The following KIAA1755 variants were observed in gnomAD, a reference collection of about 807,000 sequenced individuals.
The protein encoded by KIAA1755 is KIAA1755, also known as uncharacterized protein KIAA1755.
KIAA1755 carries 68 observed loss-of-function variants against 91.7 expected under a neutral mutation model. That is an observed-to-expected ratio of 0.74 (90% CI 0.61 to 0.91). The LOEUF is 0.91. Among genes scored for constraint, KIAA1755 ranks in the 40% least tolerant of loss-of-function variants. KIAA1755 has a pLI of 0.00. For synonymous variants in KIAA1755, 610 were observed against 604.6 expected, an observed-to-expected ratio of 1.01 and a Z score of -0.13; for missense variants, 1,535 against 1,494.4, an observed-to-expected ratio of 1.03 and a Z score of -0.45.
At chr20:38,233,623 G>C (rs2075906929) in intron 4 of KIAA1755, 1 of 152,142 alleles carries the variant, frequency 6.6e-6, no homozygotes, top group African/African-American at 2.4e-5. Flanking sequence ...CCTTGAATTA[G>C]GGGTGCCTTT....
Position 38,228,193 on chromosome 20 carries a change from C to G in KIAA1755, c.1919G>C (p.Arg640Thr). The part of the protein sequence containing the change: ...KGLAVLIDAR[R>T]QPPQPGLVSA... ...GACCAGACCGGGCTGTGGGGGCTGT[C>G]TCCTGGCGTCAATCAGGACCGCCAG... Residue 640 changes from arginine (R) to threonine (T), a missense_variant, in exon 6 of 14, where the codon AGA becomes ACA. Coordinates refer to ENST00000279024, the MANE Select transcript of KIAA1755 (RefSeq NM_001029864.2). 6.2e-7 allele frequency: 1 copy of G among 1,605,008 alleles called. No homozygotes were observed.
At chr20:38,228,520 G>A (rs181882927) in intron 5 of KIAA1755, among the ~76,000 whole-genome samples, 4 of 152,294 alleles carry the variant, frequency 2.6e-5, no homozygotes, top group Admixed American at 6.5e-5. Flanking sequence ...AGGTACAGTA[G>A]GCAAGTCACT....
Position 38,218,369 on chromosome 20 carries a change from G to GGGGCAGGAGAGGCAGATTT in KIAA1755, c.2557-22_2557-4dup. On this transcript the variant is annotated splice_polypyrimidine_tract_variant and splice_region_variant and intron_variant, in intron 11 of 13. Transcript: ENST00000279024. ...TCCTGCTCCATCCAGTCGCTGACCT[G>GGGGCAGGAGAGGCAGATTT]GGGCAGGAGAGGCAGATTTGGACAT... The GGGGCAGGAGAGGCAGATTT allele has an allele frequency of 6.2e-7, 1 of 1,614,026 alleles. No homozygotes were observed. The highest frequency in any genetic ancestry group is 1.7e-4 in the Middle Eastern group (1 of 6,052).
chr20:38,256,915 C>T (rs2076348997), intron 1 of KIAA1755, among the ~76,000 whole-genome samples: 2 of 152,176 alleles, frequency 1.3e-5, no homozygotes, highest in Admixed American at 1.3e-4. Context: ...CATCTAAGTG[C>T]CATCTAAAAT....
chr20:38,252,455 G>A (rs746521447), intron 1 of KIAA1755, among the ~76,000 whole-genome samples: 2 of 152,118 alleles, frequency 1.3e-5, no homozygotes, highest in African/African-American at 2.4e-5. Flanking sequence ...GGAATGACCC[G>A]TTTTGCAAGT....
chr20:38,246,611 G>C (rs1289436124), intron 1 of KIAA1755, among the ~76,000 whole-genome samples: 1 of 152,204 alleles, frequency 6.6e-6, no homozygotes, highest in Non-Finnish European at 1.5e-5. Flanking sequence ...ATGCAGATGG[G>C]AGAGTGAGAA....
At chr20:38,234,749 T>A (rs2075929029) in intron 4 of KIAA1755, among the ~76,000 whole-genome samples, 1 of 152,204 alleles carries the variant, frequency 6.6e-6, no homozygotes, top group Non-Finnish European at 1.5e-5. Flanking sequence ...TTCCCCACAC[T>A]GCCTGGAACA....
At position 38,231,345 on chromosome 20, in the gene KIAA1755, C is replaced by T. The variant is rs750295210; in HGVS notation, c.1748-20G>A. 1.2e-5 allele frequency: 19 copies of T among 1,594,260 alleles called. No homozygotes were observed. The highest frequency in any genetic ancestry group is 2.3e-4 in the Middle Eastern group (1 of 4,442). On this transcript the variant is annotated intron_variant, in intron 4 of 13. Coordinates refer to ENST00000279024, the MANE Select transcript of KIAA1755 (RefSeq NM_001029864.2). ...GGCCACCTGGAGGACAGAGGGCACA[C>T]GTGAGCAGTGAGAACTTGTGGGGGG...
At position 38,240,721 on chromosome 20, in the gene KIAA1755, C is replaced by T. The variant is rs753768092; in HGVS notation, c.1410G>A (p.Gly470=). The part of the protein sequence containing the change: ...NTSSPEPPTP[G]LKFSFLRGQR... ...GCCCTCTCAAGAATGAGAATTTGAG[C>T]CCAGGAGTGGGGGGCTCAGGGGAGG... Residue 470 remains glycine (G), a synonymous_variant, in exon 3 of 14, where the codon GGG becomes GGA. Coordinates refer to ENST00000279024, the MANE Select transcript of KIAA1755 (RefSeq NM_001029864.2). 19 of 1,568,936 alleles carry T rather than the reference C, an allele frequency of 1.2e-5. 1 individual carries two copies. The South Asian group carries it at 1.9e-4, about 16-fold the overall frequency.
chr20:38,222,631 C>G, intron 9 of KIAA1755, 34 bp from the exon 10 acceptor site: 1 of 1,605,102 alleles, frequency 6.2e-7, no homozygotes, highest in Non-Finnish European at 8.5e-7. Context: ...GAGGCCCCAT[C>G]CCCACTCTCC....
At position 38,235,372 on chromosome 20, in the gene KIAA1755, T is replaced by A. The variant is rs892285814; in HGVS notation, c.1748-4047A>T. ...GCCCTAATCCCCAGAACCTTGAATATGTTACCTTACATGGCAAAAGGGACA... is the reference window on the plus strand; with the variant it reads ...GCCCTAATCCCCAGAACCTTGAATAAGTTACCTTACATGGCAAAAGGGACA... On this transcript the variant is annotated intron_variant, in intron 4 of 13. Coordinates refer to ENST00000279024, the MANE Select transcript of KIAA1755 (RefSeq NM_001029864.2). Among the ~76,000 whole-genome samples, 115 of 152,250 alleles carry A rather than the reference T, an allele frequency of 7.6e-4. 1 individual carries two copies. The highest frequency in any genetic ancestry group is 7.2e-4 in the Admixed American group (11 of 15,296).
intron 4 of KIAA1755, among the ~76,000 whole-genome samples, chr20:38,234,001 A>G (rs891953273): frequency 2.0e-5 from 3 of 152,198 alleles, no homozygotes; most frequent in Non-Finnish European, 4.4e-5. Context: ...CACAGAGGGA[A>G]GACCCCATGA....
chr20:38,227,319 C>T (rs1160995529), intron 6 of KIAA1755, 79 bp from the exon 7 acceptor site: 3 of 1,099,952 alleles, frequency 2.7e-6, no homozygotes, highest in Middle Eastern at 2.0e-4. Context: ...CTCCTTCATC[C>T]CCTGTAAGAT....
intron 1 of KIAA1755, among the ~76,000 whole-genome samples, chr20:38,246,328 C>T (rs1210495887): frequency 6.6e-6 from 1 of 152,166 alleles, no homozygotes; most frequent in African/African-American, 2.4e-5. Flanking sequence ...AATCTCACCT[C>T]GGGGCCTTTG....
At chr20:38,224,815 A>G (rs2075726624) in intron 8 of KIAA1755, among the ~76,000 whole-genome samples, 1 of 151,920 alleles carries the variant, frequency 6.6e-6, no homozygotes, top group Non-Finnish European at 1.5e-5. Context: ...CTCGTGTACT[A>G]AATTGGGTAT....
rs201436223 is a variant in KIAA1755 at position 38,246,085 on chromosome 20, C to A, written c.45G>T (p.Ala15=). 2 of 1,613,882 alleles carry A rather than the reference C, an allele frequency of 1.2e-6. No homozygotes were observed. Among genetic ancestry groups the A allele is most frequent in the Non-Finnish European group, 1.7e-6 (2 of 1,179,978 alleles). The change falls in exon 2 of 14, where the codon GCG becomes GCT. Residue 15 remains alanine (A), a synonymous_variant. Coordinates refer to ENST00000279024, the MANE Select transcript of KIAA1755 (RefSeq NM_001029864.2). ...TGGCCTCGAAAGGAGGATAGAGGCC[C>A]GCCAGGGCATGCTGGATGGCTGTGT... ...SLDTAIQHAL[A]GLYPPFEATA... is the part of the protein sequence containing the mutation.
rs75887945 is a variant in KIAA1755 at position 38,218,325 on chromosome 20, T to C, written c.2598A>G (p.Gln866=). ...WMEQEGRRCL[Q]SLTPKDGSLE... ...AACTTCCATCCTTGGGGGTCAGTGA[T>C]TGCAGGCACCGCCTTCCTTCCTGCT... The change falls in exon 12 of 14, where the codon CAA becomes CAG. Residue 866 remains glutamine (Q), a synonymous_variant. Coordinates refer to ENST00000279024, the MANE Select transcript of KIAA1755 (RefSeq NM_001029864.2). 1.5e-4 allele frequency: 238 copies of C among 1,614,220 alleles called. 2 individuals are homozygous for C. The African/African-American group carries it at 3.0e-3, about 20-fold the overall frequency.
intron 1 of KIAA1755, among the ~76,000 whole-genome samples, chr20:38,257,546 A>G (rs2076358877): frequency 6.7e-6 from 1 of 150,284 alleles, no homozygotes; most frequent in African/African-American, 2.5e-5. Flanking sequence ...GTCCCACTGC[A>G]CTACAGCCTG....
In KIAA1755 at chr20:38,225,726, A is replaced by C. The variant is rs1341133748; in HGVS notation, c.2108T>G (p.Leu703Arg). The change falls in exon 8 of 14, where the codon CTG becomes CGG. Residue 703 changes from leucine to arginine, a missense_variant. Leu to Arg is a moderately radical substitution (Grantham distance 102). Transcript: ENST00000279024. ...GAAGGGGCCTTCCAGGACTGCGGGCAGCTGGCTGGGGTCCACATGGTGGCT... is the reference window on the plus strand; with the variant it reads ...GAAGGGGCCTTCCAGGACTGCGGGCCGCTGGCTGGGGTCCACATGGTGGCT... ...ALSHHVDPSQ[L>R]PAVLEGPFPY... 6.2e-7 allele frequency: 1 copy of C among 1,609,992 alleles called. No homozygotes were observed. Among genetic ancestry groups the C allele is most frequent in the African/African-American group, 1.3e-5 (1 of 74,802 alleles).
Sources: allele counts gnomAD v4.1 joint callset (sites outside exome capture counted in the v4.1 genomes callset), GRCh38; gene constraint gnomAD v4.1.1; transcripts MANE v1.5; gene names NCBI Gene and HGNC (gene_info 2026-07-23, HGNC 2026-07-21).